The following ARHGAP39 variants were observed in gnomAD, a reference collection of about 807,000 sequenced individuals.
ARHGAP39 encodes the protein rho GTPase-activating protein 39.
ARHGAP39 carries 44 observed loss-of-function variants against 106.9 expected under a neutral mutation model. The observed-to-expected ratio is 0.41, with a 90% CI of 0.32 to 0.53. The LOEUF is 0.53. Among genes scored for constraint, ARHGAP39 ranks in the 20% least tolerant of loss-of-function variants. The pLI, the probability that ARHGAP39 is intolerant of heterozygous loss-of-function variation, is 0.21. For missense variants in ARHGAP39, 1,496 were observed against 1,577.3 expected, an observed-to-expected ratio of 0.95 and a Z score of 0.87; for synonymous variants, 768 against 693.2, an observed-to-expected ratio of 1.11 and a Z score of -1.69.
intron 1 of ARHGAP39, among the ~76,000 whole-genome samples, chr8:144,659,358 C>T (rs1401850739): frequency 6.6e-6 from 1 of 152,202 alleles, no homozygotes; most frequent in Non-Finnish European, 1.5e-5. Flanking sequence ...TTGAAGAATG[C>T]TTCTTAACAC....
At chr8:144,579,156 C>T (rs1359956371) in intron 3 of ARHGAP39, among the ~76,000 whole-genome samples, 2 of 132,346 alleles carry the variant, frequency 1.5e-5, no homozygotes, top group African/African-American at 3.0e-5. Flanking sequence ...GAGCAGCAAT[C>T]GTGCCACTGC....
chr8:144,627,568 A>AAAG (rs1554608730), intron 1 of ARHGAP39, among the ~76,000 whole-genome samples: 3 of 150,638 alleles, frequency 2.0e-5, no homozygotes, highest in Non-Finnish European at 3.0e-5. Flanking sequence ...AAAAAAAAAA[A>AAAG]AAAGAAAGGA....
Position 144,580,933 on chromosome 8 carries a change from G to T in ARHGAP39, c.425C>A (p.Pro142His), listed in dbSNP as rs756461289. The T allele has an allele frequency of 1.2e-6, 2 of 1,605,694 alleles. No individual in the cohort carries two copies. The highest frequency in any genetic ancestry group is 1.7e-5 in the Admixed American group (1 of 59,796). ...CTGCGCTTTCTCAGTGTCGGGCTCG[G>T]GCTCCAGGGAGGAGCTGGTGCTGCC... ...REGSTSSSLE[P>H]EPDTEKAQEL... The change falls in exon 3 of 12, where the codon CCC becomes CAC. Residue 142 changes from proline (P) to histidine (H), a missense_variant. This residue lies in a region of ARHGAP39 where 905 missense variants were observed against 816.4 expected (regional missense o/e 1.11). Coordinates refer to ENST00000377307, the MANE Select transcript of ARHGAP39 (RefSeq NM_025251.3).
chr8:144,661,301 C>T (rs1254811109), intron 1 of ARHGAP39, among the ~76,000 whole-genome samples: 2 of 152,192 alleles, frequency 1.3e-5, no homozygotes, highest in Non-Finnish European at 2.9e-5. Context: ...ATCTCAGCCT[C>T]TCCCCGGCTC....
intron 1 of ARHGAP39, among the ~76,000 whole-genome samples, chr8:144,620,733 G>C (rs1047404403): frequency 3.9e-5 from 6 of 152,220 alleles, no homozygotes; most frequent in Non-Finnish European, 5.9e-5. Flanking sequence ...TGACCCAGTG[G>C]GCTGCCCTGA....
intron 9 of ARHGAP39, among the ~76,000 whole-genome samples, chr8:144,532,857 C>T (rs930991706): frequency 2.6e-5 from 4 of 152,236 alleles, no homozygotes; most frequent in African/African-American, 9.6e-5. Context: ...GGTGTCCAAG[C>T]ACGCTCTGGA....
At chr8:144,699,520 G>C in the ARHGAP39 span, among the ~76,000 whole-genome samples, 1 of 146,748 alleles carries the variant, frequency 6.8e-6, no homozygotes, top group South Asian at 2.2e-4. Context: ...TGAGGGACCC[G>C]AGGTCGAGGC....
At chr8:144,609,339 A>G (rs544730177) in intron 1 of ARHGAP39, among the ~76,000 whole-genome samples, 4 of 150,170 alleles carry the variant, frequency 2.7e-5, no homozygotes, top group Admixed American at 2.7e-4. Context: ...TTAATCTTCT[A>G]TTCTTAAACC....
intron 1 of ARHGAP39, among the ~76,000 whole-genome samples, chr8:144,640,428 G>A (rs1821284472): frequency 2.0e-5 from 3 of 152,194 alleles, no homozygotes; most frequent in African/African-American, 7.2e-5. Context: ...AAAAATGGGA[G>A]TCTCCCTGCA....
chr8:144,652,487 T>C (rs1476619641), intron 1 of ARHGAP39, among the ~76,000 whole-genome samples: 2 of 152,096 alleles, frequency 1.3e-5, no homozygotes, highest in Admixed American at 1.3e-4. Flanking sequence ...CTATTCACAA[T>C]AGCAAAGATA....
intron 2 of ARHGAP39, among the ~76,000 whole-genome samples, chr8:144,594,026 T>C (rs1435091362): frequency 6.8e-6 from 1 of 147,992 alleles, no homozygotes; most frequent in African/African-American, 2.5e-5. Flanking sequence ...GAGGCAGAGG[T>C]TGCAATGAGC....
intron 7 of ARHGAP39, among the ~76,000 whole-genome samples, chr8:144,535,441 C>G (rs1816916216): frequency 6.6e-6 from 1 of 152,214 alleles, no homozygotes; most frequent in Non-Finnish European, 1.5e-5. Flanking sequence ...AACCAAGGGC[C>G]CCTCTGGGCA....
At chr8:144,611,186 T>A (rs2130955261) in intron 1 of ARHGAP39, among the ~76,000 whole-genome samples, 1 of 152,366 alleles carries the variant, frequency 6.6e-6, no homozygotes, top group South Asian at 2.1e-4. Context: ...CAGTAACTAA[T>A]CATCTTCCAG....
chr8:144,546,797 G>A (rs1817443244), intron 5 of ARHGAP39, among the ~76,000 whole-genome samples: 1 of 152,176 alleles, frequency 6.6e-6, no homozygotes, highest in African/African-American at 2.4e-5. Context: ...CACGGCTCCG[G>A]TGGCCACCAC....
chr8:144,577,033 C>G (rs981324948), intron 3 of ARHGAP39, among the ~76,000 whole-genome samples: 1 of 152,188 alleles, frequency 6.6e-6, no homozygotes, highest in Non-Finnish European at 1.5e-5. Context: ...CACCTGTACA[C>G]GCCACGAATG....
At chr8:144,609,186 C>CA (rs2130952090) in intron 1 of ARHGAP39, among the ~76,000 whole-genome samples, 1 of 152,284 alleles carries the variant, frequency 6.6e-6, no homozygotes, top group East Asian at 1.9e-4. Context: ...GTAACTTTTT[C>CA]ATGAATGCCT....
intron 1 of ARHGAP39, among the ~76,000 whole-genome samples, chr8:144,676,676 C>T (rs1335131981): frequency 3.3e-5 from 5 of 152,252 alleles, no homozygotes; most frequent in Admixed American, 2.6e-4. Flanking sequence ...GGCACTCCGG[C>T]AGCCCAGAGG....
Position 144,603,044 on chromosome 8 carries a change from CGT to C in ARHGAP39, c.80+2489_80+2490del, listed in dbSNP as rs372766666. On this transcript the variant is annotated intron_variant, in intron 2 of 11. Transcript: ENST00000377307. ...ATGTATCTGTGTGCGTGCGTGGAGG[CGT>C]GTGTGTGAGCTCGTGTACCTGTGTG... 9.6e-3 allele frequency among the ~76,000 whole-genome samples: 905 copies of C among 94,300 alleles called. 16 individuals carry two copies. Among genetic ancestry groups the C allele is most frequent in the African/African-American group, 0.031 (717 of 23,162 alleles). The allele number at this position is 94,300 out of a possible 152,430, so 61.9% of individuals were successfully genotyped here.
intron 1 of ARHGAP39, among the ~76,000 whole-genome samples, chr8:144,638,499 T>G (rs2130985689): frequency 6.6e-6 from 1 of 152,382 alleles, no homozygotes. Flanking sequence ...CTTAAACTTT[T>G]GCATTCTATC....
Sources: gnomAD v4.1 joint callset for allele counts (sites outside exome capture counted in the v4.1 genomes callset) on GRCh38, gnomAD v4.1.1 for gene constraint, gnomAD v4.1.1 regional missense constraint, MANE v1.5 for transcripts, NCBI Gene and HGNC (gene_info 2026-07-23, HGNC 2026-07-21) for gene names.